Variants in SOS1 observed in about 807,000 individuals in gnomAD.
SOS1 encodes son of sevenless homolog 1.
SOS1 carries 25 observed loss-of-function variants against 157.6 expected under a neutral mutation model. That is an observed-to-expected ratio of 0.16 (90% confidence interval 0.12 to 0.22). The LOEUF (loss-of-function observed/expected upper bound fraction) is 0.22. Ranked by LOEUF, SOS1 falls within the 10% of genes least tolerant of loss-of-function variation. The pLI is 1.00. For synonymous variants in SOS1, 528 were observed against 534.0 expected (o/e 0.99, Z 0.16); for missense variants, 1,237 against 1,599.1 (o/e 0.77, Z 3.86).
At chr2:39,050,297 T>A (rs1263803984) in intron 6 of SOS1, among the ~76,000 whole-genome samples, 1 of 152,166 alleles carries the variant, frequency 6.6e-6, no homozygotes, top group Non-Finnish European at 1.5e-5. Context: ...ATTTGAAATA[T>A]CTGAGGAGTT....
At position 38,995,337 on chromosome 2, in the gene SOS1, G is replaced by A. The variant is rs544231079; in HGVS notation, c.3132C>T (p.Asn1044=). Residue 1044 remains asparagine (N), a synonymous_variant, in exon 20 of 23, where the codon AAC becomes AAT. Transcript: ENST00000402219. ...GATGCCTCATGGTACCTGGTCTTGG[G>A]TTTGATGGACGAACACCAGGAGATT... ...PLKSPGVRPS[N]PRPGTMRHPT... is the part of the protein sequence containing the mutation. 9.9e-6 allele frequency: 16 copies of A among 1,613,722 alleles called. 1 individual carries two copies. In the South Asian group the frequency reaches 1.3e-4, roughly 13 times the overall value.
chr2:39,085,756 T>C (rs1437489985), intron 1 of SOS1, among the ~76,000 whole-genome samples: 3 of 152,202 alleles, frequency 2.0e-5, no homozygotes, highest in African/African-American at 7.2e-5. Context: ...ACCTACAAAT[T>C]TTTATCAATT....
At chr2:39,010,510 C>A in intron 15 of SOS1, 74 bp downstream of exon 15, 1 of 1,446,156 alleles carries the variant, frequency 6.9e-7, no homozygotes, top group South Asian at 1.1e-5. Flanking sequence ...TCAAAAAAAA[C>A]AAACAAAAAA....
chr2:39,066,077 A>G (rs1354026534), intron 2 of SOS1, among the ~76,000 whole-genome samples: 1 of 152,144 alleles, frequency 6.6e-6, no homozygotes, highest in Non-Finnish European at 1.5e-5. Context: ...ATGCCTGTCT[A>G]TCAATCCCTC....
intron 1 of SOS1, among the ~76,000 whole-genome samples, chr2:39,099,664 C>G (rs1672894138): frequency 6.6e-6 from 1 of 152,186 alleles, no homozygotes; most frequent in African/African-American, 2.4e-5. Flanking sequence ...TAAAAAGCTT[C>G]TGCACAGCAA....
chr2:39,002,029 T>C (rs77881303), intron 17 of SOS1, among the ~76,000 whole-genome samples: 5,598 of 152,230 alleles, frequency 0.037, 155 homozygotes, highest in Non-Finnish European at 0.049. Context: ...CTTAAGAACA[T>C]GTTATGGCCA....
At chr2:39,061,843 T>C (rs1445119157) in intron 2 of SOS1, among the ~76,000 whole-genome samples, 1 of 152,204 alleles carries the variant, frequency 6.6e-6, no homozygotes, top group Non-Finnish European at 1.5e-5. Context: ...TGGGAAACAT[T>C]AATGAGATAC....
intron 21 of SOS1, 50 bp downstream of exon 21, chr2:38,989,220 A>C (rs779265182): frequency 1.5e-6 from 2 of 1,333,208 alleles, no homozygotes; most frequent in Non-Finnish European, 2.2e-6. Context: ...ACTTGGTTTG[A>C]TTTTTAAAGC....
chr2:38,993,097 A>G lies in SOS1; in HGVS notation c.3346+2026T>C, dbSNP rs566335112. 7 of 152,038 alleles carry G rather than the reference A, an allele frequency of 4.6e-5. No homozygotes were observed. In the East Asian group the frequency reaches 1.2e-3, roughly 25 times the overall value. The allele number at this position is 152,038 out of a possible 1,614,324, so 9.4% of individuals were successfully genotyped here. ...CCAAAAATTTTATAAAATTAAAAAA[A>G]AAAAAAAGACTCCATGACCTTCAGT... On this transcript the variant is annotated intron_variant, in intron 20 of 22. Coordinates refer to ENST00000402219, the MANE Select transcript of SOS1 (RefSeq NM_005633.4).
intron 2 of SOS1, among the ~76,000 whole-genome samples, chr2:39,059,315 A>C (rs916845833): frequency 1.4e-4 from 21 of 152,216 alleles, no homozygotes; most frequent in African/African-American, 5.1e-4. Context: ...AGCAATTTTA[A>C]TACATTGTAG....
At chr2:39,038,245 G>C (rs1253630245) in intron 6 of SOS1, among the ~76,000 whole-genome samples, 1 of 152,180 alleles carries the variant, frequency 6.6e-6, no homozygotes, top group East Asian at 1.9e-4. Context: ...ATTAACAGGA[G>C]TTTGGAAGAA....
chr2:38,989,278 T>C lies in SOS1; in HGVS notation c.3383A>G (p.His1128Arg), dbSNP rs1434181930. Reference protein sequence around the residue: ...DTVFIQVTLPHGPRSASVSSI... With the variant: ...DTVFIQVTLPRGPRSASVSSI... ...AAACCAAATATACTAACTTGGGCCATGGGGCAGAGTAACTTGGATAAAGAC... is the reference window on the plus strand; with the variant it reads ...AAACCAAATATACTAACTTGGGCCACGGGGCAGAGTAACTTGGATAAAGAC... Residue 1128 changes from histidine (H) to arginine (R), a missense_variant, in exon 21 of 23, where the codon CAT becomes CGT. Physicochemically the swap from His to Arg is conservative, Grantham distance 29. This residue lies in a region of SOS1 where 306 missense variants were observed against 322.6 expected (regional missense o/e 0.95). Coordinates refer to ENST00000402219, the MANE Select transcript of SOS1 (RefSeq NM_005633.4). 1.9e-6 allele frequency: 3 copies of C among 1,603,268 alleles called. No individual in the cohort carries two copies. Among genetic ancestry groups the C allele is most frequent in the African/African-American group, 1.3e-5 (1 of 74,700 alleles).
chr2:38,985,921 A>G lies in SOS1; in HGVS notation c.3905T>C (p.Ile1302Thr), dbSNP rs750296853. 8.7e-6 allele frequency: 14 copies of G among 1,613,688 alleles called. No homozygotes were observed. Among genetic ancestry groups the G allele is most frequent in the Non-Finnish European group, 1.2e-5 (14 of 1,179,878 alleles). The change falls in exon 23 of 23, where the codon ATC (isoleucine) becomes ACC (threonine). Residue 1302 changes from isoleucine (I) to threonine (T), a missense_variant. Physicochemically the swap from Ile to Thr is moderately conservative, Grantham distance 89. Around this residue, in one of 15 missense-constraint regions of SOS1, gnomAD observed 306 missense variants for 322.6 expected, o/e 0.95. Coordinates refer to ENST00000402219, the MANE Select transcript of SOS1 (RefSeq NM_005633.4). ...GTAAGTTTTTGGAGGGAGTTTAGGG[A>G]TATGTTGAGAAGTGCTTTGTCGTGG... ...VPPRQSTSQH[I>T]PKLPPKTYKR...
chr2:38,990,522 A>G (rs917383325), intron 20 of SOS1, among the ~76,000 whole-genome samples: 3 of 152,166 alleles, frequency 2.0e-5, no homozygotes, highest in Admixed American at 2.0e-4. Flanking sequence ...GATCTGACGT[A>G]ATAGAGATTA....
At chr2:39,019,627 T>G (rs1340162565) in intron 10 of SOS1, among the ~76,000 whole-genome samples, 1 of 151,742 alleles carries the variant, frequency 6.6e-6, no homozygotes, top group African/African-American at 2.4e-5. Flanking sequence ...TGCAATCTTT[T>G]AAGCAAGTTA....
intron 1 of SOS1, among the ~76,000 whole-genome samples, chr2:39,098,819 G>C (rs1295718412): frequency 6.6e-6 from 1 of 152,148 alleles, no homozygotes; most frequent in African/African-American, 2.4e-5. Context: ...AACCCGGAAG[G>C]TGGAGGTTGC....
chr2:39,053,885 T>C (rs17023272), intron 5 of SOS1, among the ~76,000 whole-genome samples: 5,774 of 152,224 alleles, frequency 0.038, 336 homozygotes, highest in African/African-American at 0.12. Flanking sequence ...ATTTATAGTT[T>C]ATATCTCTGT....
chr2:39,116,429 G>A (rs1027340463), intron 1 of SOS1, among the ~76,000 whole-genome samples: 1 of 151,998 alleles, frequency 6.6e-6, no homozygotes, highest in African/African-American at 2.4e-5. Context: ...TGCACCCTTA[G>A]TTCAAATGTG....
intron 17 of SOS1, among the ~76,000 whole-genome samples, chr2:39,002,353 A>C (rs988108146): frequency 6.6e-6 from 1 of 152,154 alleles, no homozygotes; most frequent in Non-Finnish European, 1.5e-5. Flanking sequence ...TATGAAGATC[A>C]GTTAAGTTTA....
Sources: allele counts gnomAD v4.1 joint callset (sites outside exome capture counted in the v4.1 genomes callset), GRCh38; gene constraint gnomAD v4.1.1; regional missense constraint gnomAD v4.1.1; transcripts MANE v1.5; gene names NCBI Gene and HGNC (gene_info 2026-07-23, HGNC 2026-07-21).